PSMB9: variants seen among roughly 807,000 people sequenced by gnomAD.
PSMB9 encodes proteasome 20S subunit beta 9, also known as proteasome subunit beta type-9.
Under a neutral mutation model 26.9 loss-of-function variants are expected in PSMB9, and 16 were observed. The observed-to-expected ratio is 0.59, with a 90% CI of 0.40 to 0.90. The LOEUF (loss-of-function observed/expected upper bound fraction) is 0.90. Among genes scored for constraint, PSMB9 ranks in the 40% least tolerant of loss-of-function variants. The pLI is 0.00. For synonymous variants in PSMB9, 91 were observed against 112.0 expected (o/e 0.81, Z 1.18); for missense variants, 253 against 292.2 (o/e 0.87, Z 0.98).
chr6:32,857,214 A>C (rs563046299), intron 2 of PSMB9, 49 bp from the exon 3 acceptor site: 174 of 1,516,086 alleles, frequency 1.1e-4, no homozygotes, highest in African/African-American at 3.1e-4. Flanking sequence ...AAAAAAAAAA[A>C]AAAAAAACCT....
In PSMB9 at chr6:32,858,449, A is replaced by T; in HGVS notation, c.476A>T (p.Asp159Val). ...AGCACCTTTATCTATGGTTATGTGG[A>T]TGCAGCATATAAGCCAGGCATGTCT... The part of the protein sequence containing the change: ...SGSTFIYGYV[D>V]AAYKPGMSPE... Residue 159 changes from aspartate to valine, a missense_variant, in exon 5 of 6, where the codon GAT (aspartate) becomes GTT (valine). Physicochemically the swap from Asp to Val is radical, Grantham distance 152 (BLOSUM62 -3). Transcript: ENST00000374859. The surrounding 1 kb of genome is among the most constrained non-coding windows in gnomAD (Gnocchi z 5.2). 6.2e-7 allele frequency: 1 copy of T among 1,613,034 alleles called. No homozygotes were observed. Among genetic ancestry groups the T allele is most frequent in the Non-Finnish European group, 8.5e-7 (1 of 1,180,018 alleles).
Position 32,858,869 on chromosome 6 carries a change from C to T in PSMB9, c.532+364C>T, listed in dbSNP as rs1475807062. 2 of 321,488 alleles carry T rather than the reference C, an allele frequency of 6.2e-6. No homozygotes were observed. Among genetic ancestry groups the T allele is most frequent in the East Asian group, 6.9e-5 (1 of 14,540 alleles). The allele number at this position is 321,488 out of a possible 1,614,324, so 19.9% of individuals were successfully genotyped here. The stretch of plus-strand genomic sequence containing the variant: ...AGGCAAGATGGTGAAACCCTGTCTC[C>T]ACAAAAAACAATAAAAAAAAGTAAA... On this transcript the variant is annotated intron_variant, in intron 5 of 5. Transcript: ENST00000374859. This position sits in a 1 kb window ranked among gnomAD's most constrained non-coding sequence, Gnocchi z 5.2.
chr6:32,858,338 C>T lies in PSMB9; in HGVS notation c.391-26C>T, dbSNP rs1470491845. 1 of 1,612,718 alleles carries T rather than the reference C, an allele frequency of 6.2e-7. No individual in the cohort carries two copies. Among genetic ancestry groups the T allele is most frequent in the South Asian group, 1.1e-5 (1 of 91,066 alleles). ...AGTGGGAAGGAAGGGCTTGATGATT[C>T]TTTAACCTGAGGATCCCTTTCCCAG... On this transcript the variant is annotated intron_variant, in intron 4 of 5. Coordinates refer to ENST00000374859, the MANE Select transcript of PSMB9 (RefSeq NM_002800.5). The surrounding 1 kb of genome is among the most constrained non-coding windows in gnomAD (Gnocchi z 5.2).
At position 32,855,083 on chromosome 6, in the gene PSMB9, T is replaced by C. The variant is rs546358124; in HGVS notation, c.60+794T>C. On this transcript the variant is annotated intron_variant, in intron 1 of 5. Coordinates refer to ENST00000374859, the MANE Select transcript of PSMB9 (RefSeq NM_002800.5). ...TGACCCTCTATTCATGATAAGTCGG[T>C]CCGTCGGAAAGCATACTCAGAGGAG... 4.6e-5 allele frequency among the ~76,000 whole-genome samples: 7 copies of C among 152,304 alleles called. No homozygotes were observed. The South Asian group carries it at 1.4e-3, about 32-fold the overall frequency.
At chr6:32,856,043 A>G (rs890442431) in intron 1 of PSMB9, 95 bp from the exon 2 acceptor site, 2 of 1,119,544 alleles carry the variant, frequency 1.8e-6, no homozygotes, top group Admixed American at 4.1e-5. Flanking sequence ...TCTTTGAGCC[A>G]GTCACTTCGC....
Position 32,858,245 on chromosome 6 carries a change from A to C in PSMB9, c.390+111A>C, listed in dbSNP as rs1771259263. 1.3e-6 allele frequency: 2 copies of C among 1,593,044 alleles called. No homozygotes were observed. The highest frequency in any genetic ancestry group is 1.7e-6 in the Non-Finnish European group (2 of 1,167,046). ...GAGTTCCAAGGACACTACCTCTGAAAGCATAGTACTTTGGGGATATGAGAT... is the reference window on the plus strand; with the variant it reads ...GAGTTCCAAGGACACTACCTCTGAACGCATAGTACTTTGGGGATATGAGAT... On this transcript the variant is annotated intron_variant, in intron 4 of 5. Coordinates refer to ENST00000374859, the MANE Select transcript of PSMB9 (RefSeq NM_002800.5). This position sits in a 1 kb window ranked among gnomAD's most constrained non-coding sequence, Gnocchi z 5.2.
At position 32,854,289 on chromosome 6, in the gene PSMB9, G is replaced by C. The variant is rs978191181; in HGVS notation, c.60G>C (p.Gly20=). Residue 20 remains glycine (G), a splice_region_variant and synonymous_variant, in exon 1 of 6, where the codon GGG becomes GGC. Transcript: ENST00000374859. The surrounding 1 kb of genome is among the most constrained non-coding windows in gnomAD (Gnocchi z 4.6). ...DLPRAGEVHT[G]TTIMAVEFDG... is the part of the protein sequence containing the mutation. ...CCCGGGCGGGAGAAGTCCACACCGG[G>C]GTAATGGGTCTGGGCTTGAGGGTTG... The C allele has an allele frequency of 1.3e-6, 2 of 1,509,766 alleles. No homozygotes were observed. The highest frequency in any genetic ancestry group is 1.8e-6 in the Non-Finnish European group (2 of 1,131,392). 93.5% of individuals were successfully genotyped at this position (1,509,766 alleles called of 1,614,324 possible). A position where few individuals can be genotyped will look rare whatever the true frequency, so the allele number is the denominator to read the frequency against.
At chr6:32,857,218 A>AAAC (rs1562382742) in intron 2 of PSMB9, 45 bp from the exon 3 acceptor site, 342 of 1,426,098 alleles carry the variant, frequency 2.4e-4, no homozygotes, top group South Asian at 3.5e-4. Flanking sequence ...AAAAAAAAAA[A>AAAC]AAACCTGAGT....
intron 3 of PSMB9, 167 bp from the exon 4 acceptor site, chr6:32,857,838 C>G: frequency 1.4e-6 from 1 of 726,412 alleles, no homozygotes; most frequent in Non-Finnish European, 2.2e-6. Flanking sequence ...AGCTTCTTAC[C>G]AGTTGGTGGT....
At position 32,858,076 on chromosome 6, in the gene PSMB9, G is replaced by T; in HGVS notation, c.332G>T (p.Arg111Leu). Residue 111 changes from arginine to leucine, a missense_variant, in exon 4 of 6, where the codon CGA becomes CTA. Arg to Leu is a moderately radical substitution (Grantham distance 102, BLOSUM62 -2). Transcript: ENST00000374859. This position sits in a 1 kb window ranked among gnomAD's most constrained non-coding sequence, Gnocchi z 5.2. Reference sequence around the variant, plus strand: ...GTGAGAAATATCAGCTATAAATATCGAGAGGACTTGTCTGCACATCTCATG... The same window carrying T: ...GTGAGAAATATCAGCTATAAATATCTAGAGGACTTGTCTGCACATCTCATG... ...NVVRNISYKY[R>L]EDLSAHLMVA... is the part of the protein sequence containing the mutation. 1 of 1,613,040 alleles carries T rather than the reference G, an allele frequency of 6.2e-7. No individual in the cohort carries two copies. Among genetic ancestry groups the T allele is most frequent in the Non-Finnish European group, 8.5e-7 (1 of 1,180,038 alleles).
chr6:32,854,235 G>T lies in PSMB9; in HGVS notation c.6G>T (p.Leu2=). Residue 2 remains leucine, a synonymous_variant, in exon 1 of 6, where the codon CTG becomes CTT. Transcript: ENST00000374859. The surrounding 1 kb of genome is among the most constrained non-coding windows in gnomAD (Gnocchi z 4.6). ...GAGAGCGGTGCCTTGCAGGGATGCT[G>T]CGGGCGGGAGCACCAACCGGGGACT... M[L]RAGAPTGDLP... is the part of the protein sequence containing the mutation. The T allele has an allele frequency of 6.5e-7, 1 of 1,543,976 alleles. No homozygotes were observed.
chr6:32,856,345 A>C (rs866003545), intron 2 of PSMB9, 140 bp downstream of exon 2: 98 of 811,488 alleles, frequency 1.2e-4, no homozygotes, highest in Middle Eastern at 3.6e-4. Context: ...CCACTATGAT[A>C]AGCTATTTGG....
chr6:32,859,215 C>T (rs913746262), intron 5 of PSMB9, among the ~76,000 whole-genome samples, 190 bp from the exon 6 acceptor site: 2 of 152,188 alleles, frequency 1.3e-5, no homozygotes, highest in Non-Finnish European at 2.9e-5. Flanking sequence ...CCACGGACAT[C>T]AGCAGATGCC....
rs1245636871 is a variant in PSMB9, at chr6:32,859,680, T to A, written c.*148T>A. ...AGATGTCAGCATACACTCTTTCTTC[T>A]TTTGTCCCAGGTCTAAAACATCTTT... On this transcript the variant is annotated 3_prime_UTR_variant, in exon 6 of 6. Coordinates refer to ENST00000374859, the MANE Select transcript of PSMB9 (RefSeq NM_002800.5). 3.2e-6 allele frequency: 3 copies of A among 935,832 alleles called. No homozygotes were observed. The African/African-American group carries it at 5.0e-5, about 16-fold the overall frequency. The allele number at this position is 935,832 out of a possible 1,614,324, so 58.0% of individuals were successfully genotyped here.
In PSMB9 at chr6:32,858,617, G is replaced by A. The variant is rs1243116259; in HGVS notation, c.532+112G>A. 2 of 1,409,534 alleles carry A rather than the reference G, an allele frequency of 1.4e-6. No individual in the cohort carries two copies. Among genetic ancestry groups the A allele is most frequent in the East Asian group, 2.3e-5 (1 of 42,660 alleles). The allele number at this position is 1,409,534 out of a possible 1,614,324, so 87.3% of individuals were successfully genotyped here. A position where few individuals can be genotyped will look rare whatever the true frequency, so the allele number is the denominator to read the frequency against. On this transcript the variant is annotated intron_variant, in intron 5 of 5. Transcript: ENST00000374859. This position sits in a 1 kb window ranked among gnomAD's most constrained non-coding sequence, Gnocchi z 5.2. ...GGGTGGCCATTTAAGTTAATGCCGG[G>A]CCTGGTACACTTTTAAGAGTGAAAA...
In PSMB9 at chr6:32,854,483, G is replaced by A. The variant is rs1481694313; in HGVS notation, c.60+194G>A. On this transcript the variant is annotated intron_variant, in intron 1 of 5. Transcript: ENST00000374859. This position sits in a 1 kb window ranked among gnomAD's most constrained non-coding sequence, Gnocchi z 4.6. ...CTGAGGGGGGTCGTCTAGAGTGTCC[G>A]TGAAGGGAACAGGCACGCGAGGCTG... 1.3e-5 allele frequency among the ~76,000 whole-genome samples: 2 copies of A among 152,184 alleles called. No individual in the cohort carries two copies. Among genetic ancestry groups the A allele is most frequent in the African/African-American group, 2.4e-5 (1 of 41,446 alleles).
intron 3 of PSMB9, chr6:32,857,763 G>T (rs776581597): frequency 2.3e-5 from 13 of 576,778 alleles, no homozygotes; most frequent in Non-Finnish European, 3.6e-5. Flanking sequence ...CCCCATAAGA[G>T]CAGGGTCCTT....
At position 32,855,522 on chromosome 6, in the gene PSMB9, T is replaced by C. The variant is rs1314971260; in HGVS notation, c.61-616T>C. Among the ~76,000 whole-genome samples the C allele has an allele frequency of 2.0e-5, 3 of 152,306 alleles. No individual in the cohort carries two copies. The East Asian group carries it at 5.8e-4, about 29-fold the overall frequency. On this transcript the variant is annotated intron_variant, in intron 1 of 5. Transcript: ENST00000374859. Reference sequence around the variant, plus strand: ...ATGTATTTACCTCTTGATCGGAAATTCCATAACTGAAACTTTTATTTTCAA... The same window carrying C: ...ATGTATTTACCTCTTGATCGGAAATCCCATAACTGAAACTTTTATTTTCAA...
intron 2 of PSMB9, chr6:32,856,529 G>T (rs1203569664): frequency 6.8e-6 from 2 of 293,726 alleles, no homozygotes; most frequent in Non-Finnish European, 1.3e-5. Flanking sequence ...AGATGATTCT[G>T]TCAAGCAGAT....
Sources: gnomAD v4.1 joint callset for allele counts (sites outside exome capture counted in the v4.1 genomes callset) on GRCh38, gnomAD v4.1.1 for gene constraint, Gnocchi (gnomAD v3.1) non-coding constraint, MANE v1.5 for transcripts, NCBI Gene and HGNC (gene_info 2026-07-23, HGNC 2026-07-21) for gene names.